GRAP2: variants seen among roughly 807,000 people sequenced by gnomAD.
GRAP2 encodes the protein GRB2 related adaptor protein 2.
A neutral mutation model predicts 43.5 loss-of-function variants in GRAP2; 31 were observed. That is an observed-to-expected ratio of 0.71 (90% CI 0.54 to 0.96). The LOEUF (loss-of-function observed/expected upper bound fraction) is 0.96. GRAP2 is among the 40% of genes least tolerant of loss of function. GRAP2 has a pLI of 0.00. For missense variants in GRAP2, 371 were observed against 424.4 expected (o/e 0.87, Z 1.11); for synonymous variants, 156 against 164.8 (o/e 0.95, Z 0.41).
Position 39,968,591 on chromosome 22 carries a change from C to G in GRAP2, c.690+319C>G, listed in dbSNP as rs532301878. On this transcript the variant is annotated intron_variant, in intron 6 of 7. Transcript: ENST00000344138. ...CAGCACAATTCCAAATCTATTCATG[C>G]CCCTTAGCCCATCTGGCTGTCAGAT... The G allele has an allele frequency of 1.0e-5, 4 of 401,606 alleles. No individual in the cohort carries two copies. In the East Asian group the frequency reaches 1.2e-4, roughly 12 times the overall value. The allele number at this position is 401,606 out of a possible 1,614,324, so 24.9% of individuals were successfully genotyped here. A position where few individuals can be genotyped will look rare whatever the true frequency, so the allele number is the denominator to read the frequency against.
chr22:39,926,570 A>G (rs2145597150), intron 1 of GRAP2: 1 of 983,476 alleles, frequency 1.0e-6, no homozygotes, highest in Non-Finnish European at 1.2e-6. Context: ...TTTTTTCTAC[A>G]TGCTCTAGCT....
intron 1 of GRAP2, among the ~76,000 whole-genome samples, chr22:39,910,392 T>A (rs1601688465): frequency 1.3e-5 from 2 of 152,004 alleles, no homozygotes; most frequent in African/African-American, 4.8e-5. Flanking sequence ...AGCCAGATCT[T>A]TCTTTCTTTT....
At chr22:39,966,671 G>A (rs2067177893) in intron 5 of GRAP2, among the ~76,000 whole-genome samples, 1 of 152,160 alleles carries the variant, frequency 6.6e-6, no homozygotes, top group South Asian at 2.1e-4. Flanking sequence ...GGAGGACATG[G>A]GAGGAGAAAA....
intron 1 of GRAP2, among the ~76,000 whole-genome samples, chr22:39,934,501 G>C (rs1405613255): frequency 3.3e-5 from 5 of 152,168 alleles, no homozygotes. Context: ...TAACCAGAGG[G>C]TTAGGAGTAC....
chr22:39,939,288 C>T (rs940869018), intron 1 of GRAP2, among the ~76,000 whole-genome samples: 16 of 152,062 alleles, frequency 1.1e-4, no homozygotes, highest in African/African-American at 3.1e-4. Context: ...CCTGGCCTGG[C>T]GCGGTGGCTC....
At chr22:39,922,786 T>C (rs1399481482) in intron 1 of GRAP2, among the ~76,000 whole-genome samples, 1 of 152,090 alleles carries the variant, frequency 6.6e-6, no homozygotes, top group African/African-American at 2.4e-5. Flanking sequence ...CTCGCGCCTG[T>C]AATCCCCACA....
chr22:39,912,431 A>T (rs2066573716), intron 1 of GRAP2, among the ~76,000 whole-genome samples: 2 of 152,176 alleles, frequency 1.3e-5, no homozygotes, highest in Non-Finnish European at 2.9e-5. Context: ...CTGGAAAAAA[A>T]GTACTCTTGC....
chr22:39,917,230 C>T (rs530423584), intron 1 of GRAP2, among the ~76,000 whole-genome samples: 81 of 152,258 alleles, frequency 5.3e-4, no homozygotes, highest in African/African-American at 1.9e-3. Flanking sequence ...AGAGGATTGG[C>T]GCAGAGCCCT....
chr22:39,962,136 G>A (rs1232684469), intron 4 of GRAP2, among the ~76,000 whole-genome samples: 2 of 152,184 alleles, frequency 1.3e-5, no homozygotes, highest in Non-Finnish European at 2.9e-5. Flanking sequence ...TATATTACAA[G>A]TCAGGGTCGG....
At chr22:39,929,484 A>G (rs1319326486) in intron 1 of GRAP2, among the ~76,000 whole-genome samples, 1 of 152,234 alleles carries the variant, frequency 6.6e-6, no homozygotes, top group Non-Finnish European at 1.5e-5. Flanking sequence ...CCAACATTAT[A>G]TTAGAAAGCC....
At chr22:39,965,098 T>C (rs1271054071) in intron 4 of GRAP2, among the ~76,000 whole-genome samples, 7 of 152,158 alleles carry the variant, frequency 4.6e-5, no homozygotes, top group African/African-American at 1.7e-4. Flanking sequence ...CAATTAAAAC[T>C]CTATCATTTC....
intron 1 of GRAP2, among the ~76,000 whole-genome samples, chr22:39,930,758 C>A (rs892911805): frequency 1.3e-5 from 2 of 152,178 alleles, no homozygotes; most frequent in Non-Finnish European, 2.9e-5. Context: ...GATCTGCCCC[C>A]AGTCCAATCA....
At chr22:39,894,861 A>G in the GRAP2 span, among the ~76,000 whole-genome samples, 1 of 152,224 alleles carries the variant, frequency 6.6e-6, no homozygotes, top group African/African-American at 2.4e-5. Context: ...AGAAGAGATC[A>G]TCTAATTCTG....
intron 1 of GRAP2, among the ~76,000 whole-genome samples, chr22:39,943,680 C>T (rs1479136610): frequency 2.0e-5 from 3 of 151,442 alleles, no homozygotes; most frequent in African/African-American, 7.3e-5. Flanking sequence ...ACATTTAATC[C>T]GTCTGTGAGG....
chr22:39,947,597 T>C (rs2091595139), intron 2 of GRAP2: 2 of 179,360 alleles, frequency 1.1e-5, no homozygotes, highest in Non-Finnish European at 2.4e-5. Flanking sequence ...TGCAAGCCCA[T>C]GCTGAATGCA....
At chr22:39,969,709 T>G (rs917635145) in intron 7 of GRAP2, among the ~76,000 whole-genome samples, 176 bp downstream of exon 7, 2 of 151,930 alleles carry the variant, frequency 1.3e-5, no homozygotes, top group Admixed American at 6.6e-5. Context: ...AGGTCAGGAG[T>G]TCGAGACCAG....
chr22:39,905,295 G>A (rs2145567268), intron 1 of GRAP2, among the ~76,000 whole-genome samples: 1 of 152,246 alleles, frequency 6.6e-6, no homozygotes. Flanking sequence ...ACGCTTTGAA[G>A]ATGGACTCGA....
chr22:39,915,978 C>G (rs1368644970), intron 1 of GRAP2, among the ~76,000 whole-genome samples: 1 of 152,188 alleles, frequency 6.6e-6, no homozygotes, highest in Non-Finnish European at 1.5e-5. Flanking sequence ...TGCCTGCTCA[C>G]CATTCTGGAC....
chr22:39,909,446 G>A (rs771880545), intron 1 of GRAP2, among the ~76,000 whole-genome samples: 2 of 152,222 alleles, frequency 1.3e-5, no homozygotes, highest in Non-Finnish European at 2.9e-5. Context: ...ATTTCATAAA[G>A]TGAAGGGTCA....
Sources: gnomAD v4.1 joint callset for allele counts (sites outside exome capture counted in the v4.1 genomes callset) on GRCh38, gnomAD v4.1.1 for gene constraint, MANE v1.5 for transcripts, NCBI Gene and HGNC (gene_info 2026-07-23, HGNC 2026-07-21) for gene names.